Variants in NIBAN1 observed in about 807,000 individuals in gnomAD.
NIBAN1 encodes niban apoptosis regulator 1.
A neutral mutation model predicts 75.1 loss-of-function variants in NIBAN1; 81 were observed. The ratio of observed to expected loss-of-function variants is 1.08; its 90% CI spans 0.90 to 1.30. NIBAN1 has a LOEUF of 1.30. Ranked by LOEUF, NIBAN1 falls within the 50% of genes most tolerant of loss-of-function variation. NIBAN1 has a pLI of 0.00. For synonymous variants in NIBAN1, 436 were observed against 424.8 expected (o/e 1.03, Z -0.32); for missense variants, 1,133 against 1,128.1 (o/e 1.00, Z -0.06).
At chr1:184,882,838 A>C (rs1180970127) in intron 5 of NIBAN1, among the ~76,000 whole-genome samples, 1 of 152,228 alleles carries the variant, frequency 6.6e-6, no homozygotes, top group African/African-American at 2.4e-5. Flanking sequence ...GGGCAAGTGT[A>C]GTGGAAAATG....
intron 1 of NIBAN1, among the ~76,000 whole-genome samples, chr1:184,906,352 T>A (rs1557909069): frequency 6.6e-6 from 1 of 151,594 alleles, no homozygotes; most frequent in African/African-American, 2.4e-5. Flanking sequence ...GACTCTTGGC[T>A]GGGCGCGGTG....
chr1:184,879,092 T>C (rs1656307863), intron 5 of NIBAN1, among the ~76,000 whole-genome samples: 1 of 152,188 alleles, frequency 6.6e-6, no homozygotes, highest in Admixed American at 6.5e-5. Flanking sequence ...GAGAACACTT[T>C]TAAAGAATTT....
intron 9 of NIBAN1, among the ~76,000 whole-genome samples, chr1:184,808,971 T>G (rs1654288591): frequency 6.6e-6 from 1 of 152,122 alleles, no homozygotes; most frequent in African/African-American, 2.4e-5. Flanking sequence ...TAGTTTAAAA[T>G]CATTTTTTAA....
chr1:184,791,958 A>G lies in NIBAN1; in HGVS notation c.*3019T>C, dbSNP rs1469503466. 1 of 54,668 alleles carries G rather than the reference A, an allele frequency of 1.8e-5. No individual in the cohort carries two copies. The highest frequency in any genetic ancestry group is 3.1e-5 in the Non-Finnish European group (1 of 32,772). The allele number at this position is 54,668 out of a possible 1,614,324, so 3.4% of individuals were successfully genotyped here. On this transcript the variant is annotated 3_prime_UTR_variant, in exon 14 of 14. Coordinates refer to ENST00000367511, the MANE Select transcript of NIBAN1 (RefSeq NM_052966.4). ...ACAATCATCCTGCTTATTCTAGAAAACTTTTTTTTTTTTTTTGAGACAGGG... is the reference window on the plus strand; with the variant it reads ...ACAATCATCCTGCTTATTCTAGAAAGCTTTTTTTTTTTTTTTGAGACAGGG...
intron 5 of NIBAN1, among the ~76,000 whole-genome samples, chr1:184,860,597 T>C (rs1204190041): frequency 6.6e-6 from 1 of 152,234 alleles, no homozygotes; most frequent in Non-Finnish European, 1.5e-5. Flanking sequence ...TCAGTCATTG[T>C]ACTAAGTACT....
intron 1 of NIBAN1, among the ~76,000 whole-genome samples, chr1:184,899,871 C>T (rs1364532722): frequency 2.8e-5 from 4 of 141,744 alleles, no homozygotes; most frequent in African/African-American, 1.1e-4. Context: ...GGCTGGAGTG[C>T]AATGGCACAA....
rs1139069 is a variant in NIBAN1, at chr1:184,792,178, T to G, written c.*2799A>C. 1 of 152,268 alleles carries G rather than the reference T, an allele frequency of 6.6e-6. No homozygotes were observed. The highest frequency in any genetic ancestry group is 1.5e-5 in the Non-Finnish European group (1 of 68,090). 9.4% of individuals were successfully genotyped at this position (152,268 alleles called of 1,614,324 possible). ...CTTGTCTAGAACTCCTGGGCTCAAGTGACCCTCTCACCTCAGCCTCCCAAA... is the reference window on the plus strand; with the variant it reads ...CTTGTCTAGAACTCCTGGGCTCAAGGGACCCTCTCACCTCAGCCTCCCAAA... On this transcript the variant is annotated 3_prime_UTR_variant, in exon 14 of 14. Transcript: ENST00000367511.
At chr1:184,946,828 T>C (rs1243485213) in intron 1 of NIBAN1, among the ~76,000 whole-genome samples, 2 of 152,046 alleles carry the variant, frequency 1.3e-5, no homozygotes, top group Admixed American at 6.6e-5. Context: ...AAATGCATTG[T>C]TTCGGGAGGC....
intron 1 of NIBAN1, among the ~76,000 whole-genome samples, chr1:184,929,020 A>G (rs780958512): frequency 6.6e-6 from 1 of 152,206 alleles, no homozygotes; most frequent in East Asian, 1.9e-4. Context: ...AATAACCCCA[A>G]TGTAATGAGA....
chr1:184,932,536 A>G (rs1252839987), intron 1 of NIBAN1, among the ~76,000 whole-genome samples: 1 of 152,192 alleles, frequency 6.6e-6, no homozygotes, highest in African/African-American at 2.4e-5. Flanking sequence ...GAGCGGCTGT[A>G]AATACAGATG....
At chr1:184,913,978 C>T (rs1200868070) in intron 1 of NIBAN1, among the ~76,000 whole-genome samples, 2 of 152,142 alleles carry the variant, frequency 1.3e-5, no homozygotes, top group Non-Finnish European at 2.9e-5. Context: ...CTAAGCCATT[C>T]TCAGAGGCCC....
intron 1 of NIBAN1, among the ~76,000 whole-genome samples, chr1:184,905,753 A>G (rs1352106003): frequency 6.6e-6 from 1 of 152,188 alleles, no homozygotes; most frequent in Admixed American, 6.5e-5. Context: ...CTGTTCAAAT[A>G]TAGCTTATCT....
At chr1:184,922,396 C>T (rs933246261) in intron 1 of NIBAN1, among the ~76,000 whole-genome samples, 6 of 152,138 alleles carry the variant, frequency 3.9e-5, no homozygotes, top group African/African-American at 1.4e-4. Flanking sequence ...ACCTCACCCA[C>T]TACTCTTTCC....
chr1:184,819,497 T>A (rs780246816), intron 8 of NIBAN1, among the ~76,000 whole-genome samples: 2 of 152,200 alleles, frequency 1.3e-5, no homozygotes, highest in Non-Finnish European at 2.9e-5. Context: ...CAGAGGAAAG[T>A]ACTCCTCTTT....
chr1:184,866,772 C>G (rs1403620758), intron 5 of NIBAN1, among the ~76,000 whole-genome samples: 1 of 152,150 alleles, frequency 6.6e-6, no homozygotes, highest in Non-Finnish European at 1.5e-5. Context: ...CTCATCTATG[C>G]TGGTAATTTC....
chr1:184,836,907 A>G lies in NIBAN1; in HGVS notation c.602-4945T>C, dbSNP rs1013268233. Among the ~76,000 whole-genome samples the G allele has an allele frequency of 4.6e-5, 7 of 152,250 alleles. No individual in the cohort carries two copies. In the South Asian group the frequency reaches 8.3e-4, roughly 18 times the overall value. ...AAAACTTTTAGAACAAATCTGCTAC[A>G]TTGTAAGTTGCTTTATATACATTTG... On this transcript the variant is annotated intron_variant, in intron 5 of 13. Transcript: ENST00000367511.
At chr1:184,928,902 T>C (rs1448351179) in intron 1 of NIBAN1, among the ~76,000 whole-genome samples, 1 of 152,172 alleles carries the variant, frequency 6.6e-6, no homozygotes, top group African/African-American at 2.4e-5. Context: ...TAGGCCATCT[T>C]GCTCTGCCCC....
At chr1:184,880,360 C>G (rs949541855) in intron 5 of NIBAN1, among the ~76,000 whole-genome samples, 1 of 152,230 alleles carries the variant, frequency 6.6e-6, no homozygotes, top group African/African-American at 2.4e-5. Flanking sequence ...CCATTGTGAC[C>G]TTTCTGAAGT....
chr1:184,845,348 G>T (rs1571513498), intron 5 of NIBAN1, among the ~76,000 whole-genome samples: 1 of 152,138 alleles, frequency 6.6e-6, no homozygotes, highest in Non-Finnish European at 1.5e-5. Flanking sequence ...AATAAGATGG[G>T]ATTACTGAAT....
Sources: allele counts gnomAD v4.1 joint callset (sites outside exome capture counted in the v4.1 genomes callset), GRCh38; gene constraint gnomAD v4.1.1; transcripts MANE v1.5; gene names NCBI Gene and HGNC (gene_info 2026-07-23, HGNC 2026-07-21).